The following SOX6 variants were observed in gnomAD, a reference collection of about 807,000 sequenced individuals.
The protein encoded by SOX6 is SRY-box transcription factor 6.
Under a neutral mutation model 97.8 loss-of-function variants are expected in SOX6, and 11 were observed. The observed-to-expected ratio is 0.11, with a 90% CI of 0.07 to 0.19. The LOEUF is 0.19. Among genes scored for constraint, SOX6 ranks in the 10% least tolerant of loss-of-function variants. The pLI is 1.00. For missense variants in SOX6, 810 were observed against 1,039.5 expected, an observed-to-expected ratio of 0.78 and a Z score of 3.04; for synonymous variants, 360 against 371.4, an observed-to-expected ratio of 0.97 and a Z score of 0.35.
intron 3 of SOX6, among the ~76,000 whole-genome samples, chr11:16,654,749 A>G (rs1478671944): frequency 6.6e-6 from 1 of 152,222 alleles, no homozygotes. Context: ...ATCTATTATC[A>G]TTGCTAAGAA....
chr11:16,100,902 G>A (rs1848928495), intron 7 of SOX6, among the ~76,000 whole-genome samples: 2 of 151,590 alleles, frequency 1.3e-5, no homozygotes, highest in African/African-American at 4.8e-5. Context: ...AGAAAGTTTG[G>A]AAGGAGTAGA....
chr11:16,167,002 A>G lies in SOX6; in HGVS notation c.777+16884T>C, dbSNP rs575411251. Among the ~76,000 whole-genome samples the G allele has an allele frequency of 1.2e-4, 19 of 152,334 alleles. No individual in the cohort carries two copies. The South Asian group carries it at 3.9e-3, about 32-fold the overall frequency. On this transcript the variant is annotated intron_variant, in intron 6 of 15. Transcript: ENST00000683767. ...AACTTTGAAAACTACGCATACATTGACACTCTCAAATGTACATTTTCAGTC... is the reference window on the plus strand; with the variant it reads ...AACTTTGAAAACTACGCATACATTGGCACTCTCAAATGTACATTTTCAGTC...
intron 3 of SOX6, among the ~76,000 whole-genome samples, chr11:16,709,451 G>A (rs1442451725): frequency 6.6e-6 from 1 of 152,046 alleles, no homozygotes; most frequent in East Asian, 1.9e-4. Context: ...TCAAGAGGTG[G>A]AGGTTGCAGT....
At chr11:16,375,218 A>T (rs991680082) in intron 1 of SOX6, among the ~76,000 whole-genome samples, 6 of 152,112 alleles carry the variant, frequency 3.9e-5, no homozygotes, top group Non-Finnish European at 8.8e-5. Flanking sequence ...TTAATTTGCC[A>T]CCCAACGCAT....
rs1853220700 is a variant in SOX6 at position 15,968,995 on chromosome 11, G to A, written c.*3814C>T. 6.6e-6 allele frequency: 1 copy of A among 151,744 alleles called. No individual in the cohort carries two copies. The highest frequency in any genetic ancestry group is 1.5e-5 in the Non-Finnish European group (1 of 67,966). 9.4% of individuals were successfully genotyped at this position (151,744 alleles called of 1,614,324 possible). On this transcript the variant is annotated 3_prime_UTR_variant, in exon 16 of 16. Transcript: ENST00000683767. ...GCCTAGCGGCTCGTATCCGCAAAGC[G>A]ACCTTTTTTTTCTCTCTCCCTTCCT...
intron 3 of SOX6, among the ~76,000 whole-genome samples, chr11:16,687,343 C>A (rs1026067685): frequency 2.0e-5 from 3 of 152,118 alleles, no homozygotes; most frequent in Admixed American, 6.6e-5. Flanking sequence ...AAGGATGTGC[C>A]ACACACTTTA....
intron 12 of SOX6, among the ~76,000 whole-genome samples, chr11:16,042,390 A>G (rs1855694995): frequency 6.6e-6 from 1 of 152,182 alleles, no homozygotes; most frequent in South Asian, 2.1e-4. Context: ...CCCAGGTAGA[A>G]GGTGACAAGT....
At chr11:16,593,173 T>C (rs1050109938) in intron 4 of SOX6, among the ~76,000 whole-genome samples, 15 of 151,598 alleles carry the variant, frequency 9.9e-5, no homozygotes, top group African/African-American at 3.6e-4. Flanking sequence ...AAATGAAAAA[T>C]ATAATAAAAT....
chr11:16,085,348 G>A (rs1420989909), intron 9 of SOX6, among the ~76,000 whole-genome samples: 1 of 151,988 alleles, frequency 6.6e-6, no homozygotes, highest in Non-Finnish European at 1.5e-5. Context: ...TTTTAAAGCA[G>A]ACCAAGTGAT....
chr11:15,995,382 T>C (rs1034470054), intron 13 of SOX6, among the ~76,000 whole-genome samples: 6 of 152,122 alleles, frequency 3.9e-5, no homozygotes, highest in African/African-American at 1.4e-4. Flanking sequence ...AAACTAAGTT[T>C]CCACAAGTTC....
Position 16,245,555 on chromosome 11 carries a change from T to A in SOX6, c.446-10884A>T, listed in dbSNP as rs530207075. On this transcript the variant is annotated intron_variant, in intron 3 of 15. Coordinates refer to ENST00000683767, the MANE Select transcript of SOX6 (RefSeq NM_001367873.1). ...TCACCAAGAATAATTAGATTGTGGC[T>A]GTGTCTTTTTCTTCTTTTAGTTCTG... Among the ~76,000 whole-genome samples the A allele has an allele frequency of 2.6e-5, 4 of 151,930 alleles. No homozygotes were observed. The South Asian group carries it at 8.3e-4, about 31-fold the overall frequency.
chr11:16,383,047 TGTAA>T (rs764994534), intron 1 of SOX6, among the ~76,000 whole-genome samples: 8 of 152,004 alleles, frequency 5.3e-5, no homozygotes, highest in Non-Finnish European at 8.8e-5. Context: ...TTAGCTTCTG[TGTAA>T]GTATCTTTTG....
At chr11:16,081,018 G>A (rs1848461427) in intron 9 of SOX6, among the ~76,000 whole-genome samples, 2 of 152,034 alleles carry the variant, frequency 1.3e-5, no homozygotes, top group African/African-American at 4.8e-5. Flanking sequence ...GTGCTCAGGA[G>A]TTCAAGGCTG....
chr11:16,476,478 C>G (rs372656397), upstream of SOX6: 2 of 152,100 alleles, frequency 1.3e-5, no homozygotes, highest in African/African-American at 4.8e-5. Flanking sequence ...GGCTACAAAT[C>G]ATACAATTTT....
At chr11:16,436,914 C>A (rs1218587321) in intron 1 of SOX6, among the ~76,000 whole-genome samples, 2 of 152,050 alleles carry the variant, frequency 1.3e-5, no homozygotes, top group African/African-American at 2.4e-5. Context: ...CTAGCCTTCT[C>A]TGTGAACCAA....
chr11:16,147,679 C>T (rs934982220), intron 6 of SOX6, among the ~76,000 whole-genome samples: 1 of 152,084 alleles, frequency 6.6e-6, no homozygotes, highest in South Asian at 2.1e-4. Flanking sequence ...TAAATGAACA[C>T]CGAAATTTCC....
intron 3 of SOX6, among the ~76,000 whole-genome samples, chr11:16,701,819 A>G (rs942478138): frequency 1.3e-5 from 2 of 151,590 alleles, no homozygotes; most frequent in South Asian, 2.1e-4. Context: ...GTGTGAACCC[A>G]GGAGGCGGAG....
intron 4 of SOX6, among the ~76,000 whole-genome samples, chr11:16,604,963 G>A (rs1475523390): frequency 6.6e-6 from 1 of 152,152 alleles, no homozygotes; most frequent in African/African-American, 2.4e-5. Flanking sequence ...GCAGCCCCGG[G>A]CCGCTCCTCC....
At chr11:16,412,700 C>T (rs953997534) in intron 1 of SOX6, among the ~76,000 whole-genome samples, 36 of 152,168 alleles carry the variant, frequency 2.4e-4, no homozygotes, top group African/African-American at 8.4e-4. Context: ...CACCTGGACT[C>T]AGTACTTAAA....
Sources: allele counts gnomAD v4.1 joint callset (sites outside exome capture counted in the v4.1 genomes callset), GRCh38; gene constraint gnomAD v4.1.1; transcripts MANE v1.5; gene names NCBI Gene and HGNC (gene_info 2026-07-23, HGNC 2026-07-21).